Variants in SCUBE2 observed in about 807,000 individuals in gnomAD.
SCUBE2 encodes the protein signal peptide, CUB and EGF-like domain-containing protein 2.
SCUBE2 carries 114 observed loss-of-function variants against 125.9 expected under a neutral mutation model. The observed-to-expected ratio is 0.91, with a 90% confidence interval of 0.78 to 1.06. The LOEUF is 1.06. SCUBE2 is among the 50% of genes least tolerant of loss of function. The pLI is 0.00. For missense variants in SCUBE2, 1,255 were observed against 1,301.8 expected, an observed-to-expected ratio of 0.96 and a Z score of 0.55; for synonymous variants, 459 against 492.9, an observed-to-expected ratio of 0.93 and a Z score of 0.91.
At position 9,027,446 on chromosome 11, in the gene SCUBE2, C is replaced by T; in HGVS notation, c.2619G>A (p.Lys873=). The part of the protein sequence containing the change: ...ECTWTINPPP[K]RRILIVVPEI... ...CAGGGACCACGATCAGGATGCGGCG[C>T]TTGGGGGGTGGGTTGATGGTCCACG... The change falls in exon 20 of 23, where the codon AAG becomes AAA. Residue 873 remains lysine (K), a synonymous_variant. Coordinates refer to ENST00000649792, the MANE Select transcript of SCUBE2 (RefSeq NM_001367977.2). 3 of 1,614,054 alleles carry T rather than the reference C, an allele frequency of 1.9e-6. No homozygotes were observed. Among genetic ancestry groups the T allele is most frequent in the Non-Finnish European group, 2.5e-6 (3 of 1,180,018 alleles).
rs779463049 is a variant in SCUBE2, at chr11:9,053,725, A to T, written c.1242T>A (p.Cys414Ter). The T allele has an allele frequency of 1.2e-6, 2 of 1,614,150 alleles. No homozygotes were observed. The highest frequency in any genetic ancestry group is 2.2e-5 in the South Asian group (2 of 91,076). ...CCACTGTGTTCACACAGACCTGCTGACAGCCTCCGTTGTTGATGCTGCACT... is the reference window on the plus strand; with the variant it reads ...CCACTGTGTTCACACAGACCTGCTGTCAGCCTCCGTTGTTGATGCTGCACT... ...TNECSINNGG[C>*]QQVCVNTVGS... is the part of the protein sequence containing the mutation. The change falls in exon 11 of 23, where the codon TGT (cysteine) becomes TGA (stop). Residue 414 changes from cysteine (C) to a stop codon, truncating the protein, a stop_gained. Transcript: ENST00000649792. LOFTEE classifies it high-confidence loss of function.
intron 3 of SCUBE2, among the ~76,000 whole-genome samples, chr11:9,075,143 G>GTT (rs1861115290): frequency 6.6e-6 from 1 of 150,828 alleles, no homozygotes; most frequent in Admixed American, 6.6e-5. Flanking sequence ...GGAGGTGGAG[G>GTT]TTGCAGCGAG....
intron 10 of SCUBE2, 143 bp from the exon 11 acceptor site, chr11:9,053,902 G>A (rs1858704515): frequency 2.0e-6 from 2 of 977,412 alleles, no homozygotes; most frequent in South Asian, 2.0e-5. Flanking sequence ...TTTAGCATGA[G>A]CGCTCGGCAC....
intron 7 of SCUBE2, 140 bp from the exon 8 acceptor site, chr11:9,060,664 G>A (rs1251448371): frequency 1.5e-6 from 1 of 662,978 alleles, no homozygotes; most frequent in Non-Finnish European, 2.7e-6. Context: ...GGGCTAGAGG[G>A]AGAGCAGGTG....
chr11:9,080,747 A>T (rs1289182081), intron 2 of SCUBE2, among the ~76,000 whole-genome samples: 1 of 152,206 alleles, frequency 6.6e-6, no homozygotes, highest in Non-Finnish European at 1.5e-5. Flanking sequence ...CAATTTTTAA[A>T]ATTAATAAAC....
At chr11:9,058,618 A>G (rs1350119627) in intron 9 of SCUBE2, among the ~76,000 whole-genome samples, 7 of 124,102 alleles carry the variant, frequency 5.6e-5, no homozygotes, top group African/African-American at 2.4e-4. Flanking sequence ...AAAAAAAAAA[A>G]AAAAAAAAAA....
At chr11:9,074,710 T>G (rs532422207) in intron 3 of SCUBE2, 95 bp from the exon 4 acceptor site, 198 of 1,416,832 alleles carry the variant, frequency 1.4e-4, no homozygotes, top group South Asian at 3.1e-4. Flanking sequence ...AAAGATGAGG[T>G]TCCTCTTCAC....
intron 3 of SCUBE2, among the ~76,000 whole-genome samples, chr11:9,076,973 G>C (rs1861263471): frequency 1.3e-5 from 2 of 152,216 alleles, no homozygotes; most frequent in South Asian, 4.1e-4. Context: ...TCCTGGATTG[G>C]CTGCGAGTAA....
At chr11:9,045,833 T>C (rs955935212) in intron 16 of SCUBE2, among the ~76,000 whole-genome samples, 3 of 152,086 alleles carry the variant, frequency 2.0e-5, no homozygotes, top group African/African-American at 7.2e-5. Context: ...TGGACCTGAT[T>C]TGATGCTGTG....
At chr11:9,047,324 T>C in intron 16 of SCUBE2, 32 bp downstream of exon 16, 1 of 1,611,444 alleles carries the variant, frequency 6.2e-7, no homozygotes, top group South Asian at 1.1e-5. Context: ...CCCAAGGCTG[T>C]TCTGTTAGCA....
intron 10 of SCUBE2, among the ~76,000 whole-genome samples, chr11:9,055,158 GA>G (rs1477407920): frequency 2.0e-5 from 3 of 152,242 alleles, no homozygotes; most frequent in Non-Finnish European, 4.4e-5. Context: ...ATTGGAATCT[GA>G]ACCTGTATTC....
intron 2 of SCUBE2, among the ~76,000 whole-genome samples, chr11:9,089,342 C>G (rs958047817): frequency 6.6e-6 from 1 of 152,178 alleles, no homozygotes; most frequent in African/African-American, 2.4e-5. Flanking sequence ...AGGTACAAAC[C>G]GCCCCAGGGA....
chr11:9,079,304 T>C (rs1369128158), intron 3 of SCUBE2, 80 bp downstream of exon 3: 1 of 1,561,374 alleles, frequency 6.4e-7, no homozygotes, highest in South Asian at 1.2e-5. Context: ...CGTTTTTGTC[T>C]TCATGAGGAG....
intron 10 of SCUBE2, among the ~76,000 whole-genome samples, chr11:9,054,725 A>ATATATATATATATATATAT (rs1368153935): frequency 1.8e-4 from 4 of 22,338 alleles, no homozygotes; most frequent in African/African-American, 4.3e-4. Context: ...ATATATATAT[A>ATATATATATATATATATAT]TTTTTTTTTT....
At chr11:9,051,590 G>A (rs376971435) in intron 13 of SCUBE2, among the ~76,000 whole-genome samples, 19 of 152,114 alleles carry the variant, frequency 1.2e-4, no homozygotes, top group Non-Finnish European at 2.4e-4. Flanking sequence ...TTAACCATCC[G>A]GTAGGATCTG....
At chr11:9,028,436 CAT>C (rs1855982381) in intron 19 of SCUBE2, among the ~76,000 whole-genome samples, 1 of 152,222 alleles carries the variant, frequency 6.6e-6, no homozygotes, top group Non-Finnish European at 1.5e-5. Context: ...AGGCTGCACA[CAT>C]GTGCACATGC....
At chr11:9,071,225 GC>G (rs1303781348) in intron 4 of SCUBE2, among the ~76,000 whole-genome samples, 2 of 152,168 alleles carry the variant, frequency 1.3e-5, no homozygotes, top group African/African-American at 4.8e-5. Flanking sequence ...TCCCAAACAG[GC>G]CAGCTGCTGC....
chr11:9,031,620 C>G (rs573009051), intron 17 of SCUBE2, among the ~76,000 whole-genome samples: 6 of 151,764 alleles, frequency 4.0e-5, no homozygotes, highest in African/African-American at 1.5e-4. Context: ...CCAGAAAGAC[C>G]TTGTCTCTAA....
chr11:9,028,633 C>T (rs1342058161), intron 19 of SCUBE2, among the ~76,000 whole-genome samples: 1 of 152,148 alleles, frequency 6.6e-6, no homozygotes, highest in Non-Finnish European at 1.5e-5. Flanking sequence ...CTTTTTCCCT[C>T]TCTAGTTACA....
Sources: allele counts gnomAD v4.1 joint callset (sites outside exome capture counted in the v4.1 genomes callset), GRCh38; gene constraint gnomAD v4.1.1; transcripts MANE v1.5; gene names NCBI Gene and HGNC (gene_info 2026-07-23, HGNC 2026-07-21).